MUS81: variants seen among roughly 807,000 people sequenced by gnomAD.
MUS81 encodes the protein structure-specific endonuclease subunit MUS81.
Under a neutral mutation model 74.2 loss-of-function variants are expected in MUS81, and 69 were observed. The ratio of observed to expected loss-of-function variants is 0.93; its 90% CI spans 0.77 to 1.14. The LOEUF (loss-of-function observed/expected upper bound fraction) is 1.14. Among genes scored for constraint, MUS81 ranks in the 50% most tolerant of loss-of-function variants. The pLI, the probability that MUS81 is intolerant of heterozygous loss-of-function variation, is 0.00. For synonymous variants in MUS81, 303 were observed against 300.6 expected, an observed-to-expected ratio of 1.01 and a Z score of -0.08; for missense variants, 711 against 726.5, an observed-to-expected ratio of 0.98 and a Z score of 0.25.
At chr11:65,866,898 G>A (rs1395371325), downstream of MUS81, 11 of 1,613,902 alleles carry the variant, frequency 6.8e-6, no homozygotes, top group Non-Finnish European at 9.3e-6. Context: ...GCTGCAGGGA[G>A]GGTGGCTCCC....
downstream of MUS81, chr11:65,867,196 C>A (rs1425292797): frequency 7.9e-7 from 1 of 1,270,364 alleles, no homozygotes; most frequent in East Asian, 2.4e-5. Flanking sequence ...CCTGGCCAGG[C>A]TGCCACCCCA....
At chr11:65,866,908 C>T, downstream of MUS81, 2 of 1,614,122 alleles carry the variant, frequency 1.2e-6, no homozygotes, top group South Asian at 1.1e-5. Context: ...GGGTGGCTCC[C>T]TCCTGCTCCT....
At position 65,865,277 on chromosome 11, in the gene MUS81, G is replaced by A; in HGVS notation, c.1459G>A (p.Gly487Arg). The A allele has an allele frequency of 6.2e-7, 1 of 1,614,170 alleles. No individual in the cohort carries two copies. ...GCTGATGCAGGTGCGCGGAGTGAGT[G>A]GGGAGAAGGCAGCAGCCCTGGTGGA... is the stretch of plus-strand genomic sequence containing the variant. ...RQLMQVRGVS[G>R]EKAAALVDRY... is the part of the protein sequence containing the mutation. The change falls in exon 14 of 16, where the codon GGG becomes AGG. Residue 487 changes from glycine (G) to arginine (R), a missense_variant. Coordinates refer to ENST00000308110, the MANE Select transcript of MUS81 (RefSeq NM_025128.5).
At position 65,862,223 on chromosome 11, in the gene MUS81, C is replaced by T. The variant is rs753816989; in HGVS notation, c.463C>T (p.His155Tyr). 6 of 1,607,754 alleles carry T rather than the reference C, an allele frequency of 3.7e-6. No homozygotes were observed. The African/African-American group carries it at 4.0e-5, about 11-fold the overall frequency. ...LYREHLNPNG[H>Y]HFLTKEELLQ... is the part of the protein sequence containing the mutation. ...ACCTTGGTTTCAGAATCCTAATGGT[C>T]ACCACTTCTTAACCAAGGAGGAGCT... The change falls in exon 5 of 16, where the codon CAC becomes TAC. Residue 155 changes from histidine (H) to tyrosine (Y), a missense_variant. By Grantham distance (83) the His-to-Tyr change is moderately conservative. Transcript: ENST00000308110.
At chr11:65,865,616 T>C (rs978353091) in intron 14 of MUS81, 195 bp from the exon 15 acceptor site, 4 of 649,390 alleles carry the variant, frequency 6.2e-6, no homozygotes, top group Admixed American at 2.9e-5. Flanking sequence ...TTTGGAGCCT[T>C]TGCTGGTTTT....
In MUS81 at chr11:65,865,108, C is replaced by T; in HGVS notation, c.1364C>T (p.Thr455Ile). Reference sequence around the variant, plus strand: ...CCAAACCCTCTCTGCTCACTCCTCACCTTCAGTGACTTCAACGCAGGAGCC... The same window carrying T: ...CCAAACCCTCTCTGCTCACTCCTCATCTTCAGTGACTTCAACGCAGGAGCC... ...TSPNPLCSLL[T>I]FSDFNAGAIK... The change falls in exon 13 of 16, where the codon ACC (threonine) becomes ATC (isoleucine). Residue 455 changes from threonine (T) to isoleucine (I), a missense_variant. By Grantham distance (89) the Thr-to-Ile change is moderately conservative. Transcript: ENST00000308110. The T allele has an allele frequency of 6.2e-7, 1 of 1,614,210 alleles. No individual in the cohort carries two copies. Among genetic ancestry groups the T allele is most frequent in the Non-Finnish European group, 8.5e-7 (1 of 1,180,040 alleles).
chr11:65,865,440 TAGAC>T (rs1859793213), intron 14 of MUS81, 117 bp downstream of exon 14: 2 of 1,067,776 alleles, frequency 1.9e-6, no homozygotes, highest in South Asian at 3.2e-5. Flanking sequence ...AGACCAGAGA[TAGAC>T]AGATCCCAGG....
At chr11:65,867,020 C>A (rs1166325307), downstream of MUS81, 1 of 1,614,200 alleles carries the variant, frequency 6.2e-7, no homozygotes, top group South Asian at 1.1e-5. Flanking sequence ...CCAGCACGTA[C>A]TCCCGGGGGC....
chr11:65,865,372 A>G, intron 14 of MUS81, 49 bp downstream of exon 14: 1 of 1,557,986 alleles, frequency 6.4e-7, no homozygotes, highest in Non-Finnish European at 8.8e-7. Flanking sequence ...CCCTCCATGC[A>G]TGGAATTCAC....
downstream of MUS81, chr11:65,867,057 A>G (rs778365796): frequency 6.2e-7 from 1 of 1,614,060 alleles, no homozygotes; most frequent in Admixed American, 1.7e-5. Context: ...GAGGACCAGC[A>G]TGGCGCTGAC....
rs759265350 is a variant in MUS81, at chr11:65,860,840, G to C, written c.87G>C (p.Arg29=). ...TCGTTCGCTGGCTGACCGAGTGGCG[G>C]GACGAGGCGACCCGCAGCAGGCGCC... ...PLFVRWLTEW[R]DEATRSRRRT... The change falls in exon 1 of 16, where the codon CGG becomes CGC. Residue 29 remains arginine, a synonymous_variant. Transcript: ENST00000308110. The C allele has an allele frequency of 1.9e-6, 3 of 1,544,852 alleles. No individual in the cohort carries two copies. Among genetic ancestry groups the C allele is most frequent in the Non-Finnish European group, 2.6e-6 (3 of 1,147,198 alleles).
chr11:65,866,597 T>A (rs1429527456), downstream of MUS81: 4 of 702,712 alleles, frequency 5.7e-6, no homozygotes, highest in Middle Eastern at 6.9e-4. Context: ...GCCAGCCAAG[T>A]CCAAATCTCT....
chr11:65,864,029 C>A (rs1324722632), intron 10 of MUS81, 128 bp downstream of exon 10: 4 of 884,134 alleles, frequency 4.5e-6, no homozygotes, highest in South Asian at 1.5e-5. Context: ...CACACCCACC[C>A]TGTGGCTGCT....
intron 6 of MUS81, 133 bp from the exon 7 acceptor site, chr11:65,862,932 G>T (rs1486472680): frequency 9.0e-6 from 10 of 1,110,866 alleles, no homozygotes; most frequent in Non-Finnish European, 1.1e-5. Flanking sequence ...AGACCAGGAG[G>T]AGCAGGAGCC....
intron 14 of MUS81, chr11:65,865,554 A>G: frequency 1.6e-6 from 1 of 624,062 alleles, no homozygotes; most frequent in South Asian, 2.0e-5. Context: ...CCTGGTGGAG[A>G]AGAGGCTTCC....
Position 65,863,114 on chromosome 11 carries a change from T to A in MUS81, c.655T>A (p.Ser219Thr). 2 of 1,613,922 alleles carry A rather than the reference T, an allele frequency of 1.2e-6. No homozygotes were observed. Among genetic ancestry groups the A allele is most frequent in the Non-Finnish European group, 1.7e-6 (2 of 1,179,958 alleles). ...GLELAQKLAE[S>T]EGLSLLNVGI... ...GGAGCTGGCCCAGAAGTTGGCCGAG[T>A]CAGAAGGCCTGAGCTTGCTGAATGT... is the stretch of plus-strand genomic sequence containing the variant. The change falls in exon 7 of 16, where the codon TCA becomes ACA. Residue 219 changes from serine to threonine, a missense_variant. Ser to Thr is a moderately conservative substitution (Grantham distance 58). Coordinates refer to ENST00000308110, the MANE Select transcript of MUS81 (RefSeq NM_025128.5).
At chr11:65,862,122 G>A in intron 4 of MUS81, 77 bp downstream of exon 4, 1 of 1,591,524 alleles carries the variant, frequency 6.3e-7, no homozygotes, top group Non-Finnish European at 8.6e-7. Flanking sequence ...GGCCCAGGCA[G>A]GGCAGGCAAA....
Position 65,860,590 on chromosome 11 carries a change from C to T in MUS81, c.-164C>T. 1.1e-6 allele frequency: 1 copy of T among 915,794 alleles called. No homozygotes were observed. The highest frequency in any genetic ancestry group is 1.7e-6 in the Non-Finnish European group (1 of 600,144). The allele number at this position is 915,794 out of a possible 1,614,324, so 56.7% of individuals were successfully genotyped here. The stretch of plus-strand genomic sequence containing the variant: ...GGAGGGCGGCCGCAGGCTCTCCTCT[C>T]GTTAGTGCCCCCTGTGTTTGGGGCC... On this transcript the variant is annotated 5_prime_UTR_variant, in exon 1 of 16. Transcript: ENST00000308110.
intron 3 of MUS81, 178 bp downstream of exon 3, chr11:65,861,613 G>A: frequency 1.6e-6 from 1 of 613,294 alleles, no homozygotes; most frequent in South Asian, 2.0e-5. Flanking sequence ...ATTGGTAACA[G>A]CCAATGAGAG....
Sources: allele counts gnomAD v4.1 joint callset, GRCh38; gene constraint gnomAD v4.1.1; transcripts MANE v1.5; gene names NCBI Gene and HGNC (gene_info 2026-07-23, HGNC 2026-07-21).